Variants in GLG1 observed in about 807,000 individuals in gnomAD.
The protein encoded by GLG1 is Golgi apparatus protein 1.
A neutral mutation model predicts 160.5 loss-of-function variants in GLG1; 38 were observed. That is an observed-to-expected ratio of 0.24 (90% confidence interval 0.18 to 0.31). GLG1 has a LOEUF of 0.31. Ranked by LOEUF, GLG1 falls within the 10% of genes least tolerant of loss-of-function variation. GLG1 has a pLI of 1.00. For missense variants in GLG1, 1,373 were observed against 1,505.2 expected (o/e 0.91, Z 1.45); for synonymous variants, 644 against 543.4 (o/e 1.19, Z -2.57).
At chr16:74,582,829 A>T (rs1269563019) in intron 1 of GLG1, among the ~76,000 whole-genome samples, 2 of 2,680 alleles carry the variant, frequency 7.5e-4, no homozygotes, top group South Asian at 0.032. Context: ...TCAAAAAAAT[A>T]AATAAAATAA....
rs986038980 is a variant in GLG1 at position 74,461,970 on chromosome 16, T to C, written c.3036+124A>G. On this transcript the variant is annotated intron_variant, in intron 22 of 25. Transcript: ENST00000422840. ...ACAGGAATGCAGACCATGGAGAGCC[T>C]AGAAGATGGCCTTCAATTCACCAGA... 6 of 618,124 alleles carry C rather than the reference T, an allele frequency of 9.7e-6. No individual in the cohort carries two copies. The African/African-American group carries it at 1.1e-4, about 11-fold the overall frequency. 38.3% of individuals were successfully genotyped at this position (618,124 alleles called of 1,614,324 possible).
intron 1 of GLG1, among the ~76,000 whole-genome samples, chr16:74,547,990 G>T (rs2018095618): frequency 6.6e-6 from 1 of 152,230 alleles, no homozygotes; most frequent in Non-Finnish European, 1.5e-5. Flanking sequence ...GAGCAGAGTG[G>T]CTCAGTCGCG....
At chr16:74,523,881 A>G (rs923378728) in intron 2 of GLG1, among the ~76,000 whole-genome samples, 2 of 152,112 alleles carry the variant, frequency 1.3e-5, no homozygotes, top group South Asian at 4.1e-4. Flanking sequence ...ATCTGTAAAT[A>G]ATGACAATTT....
intron 1 of GLG1, among the ~76,000 whole-genome samples, chr16:74,597,417 T>G (rs1597385100): frequency 1.6e-5 from 2 of 124,688 alleles, no homozygotes; most frequent in East Asian, 2.3e-4. Context: ...GATGACAGAG[T>G]GAGACTCCAT....
chr16:74,573,798 CTTTT>C (rs74457179), intron 1 of GLG1, among the ~76,000 whole-genome samples: 1 of 142,432 alleles, frequency 7.0e-6, no homozygotes, highest in African/African-American at 2.6e-5. Flanking sequence ...TATCTAGCGT[CTTTT>C]TTTTTTTTTT....
At chr16:74,511,585 T>TAAAAAAAAAAAAA (rs1172903763) in intron 2 of GLG1, among the ~76,000 whole-genome samples, 1 of 85,300 alleles carries the variant, frequency 1.2e-5, no homozygotes, top group Non-Finnish European at 2.3e-5. Flanking sequence ...CTTTTTTTTT[T>TAAAAAAAAAAAAA]AAAAAAAAAA....
intron 3 of GLG1, 143 bp from the exon 4 acceptor site, chr16:74,503,889 A>G: frequency 1.6e-6 from 1 of 622,956 alleles, no homozygotes; most frequent in East Asian, 2.7e-5. Context: ...GCTTAGAAAT[A>G]TATCCAAGGA....
rs1263601611 is a variant in GLG1 at position 74,523,020 on chromosome 16, A to G, written c.471+9101T>C. Reference sequence around the variant, plus strand: ...AATGAAACAGATTTTTAAGTAACCAATTTATCAGTCTTTTTGCTTTATACT... The same window carrying G: ...AATGAAACAGATTTTTAAGTAACCAGTTTATCAGTCTTTTTGCTTTATACT... On this transcript the variant is annotated intron_variant, in intron 2 of 25. Coordinates refer to ENST00000422840, the MANE Select transcript of GLG1 (RefSeq NM_001145667.2). Among the ~76,000 whole-genome samples the G allele has an allele frequency of 9.2e-5, 14 of 152,124 alleles. 1 individual carries two copies. The highest frequency in any genetic ancestry group is 8.8e-5 in the Non-Finnish European group (6 of 68,026).
At chr16:74,575,880 GCT>G (rs911813350) in intron 1 of GLG1, among the ~76,000 whole-genome samples, 16 of 152,066 alleles carry the variant, frequency 1.1e-4, no homozygotes, top group Admixed American at 7.2e-4. Context: ...AGCACAGTGT[GCT>G]CTCATGCTCT....
intron 1 of GLG1, among the ~76,000 whole-genome samples, chr16:74,559,817 A>G (rs2018457778): frequency 6.6e-6 from 1 of 152,102 alleles, no homozygotes; most frequent in African/African-American, 2.4e-5. Context: ...GTCCACTGTC[A>G]CCTAAAATGT....
At chr16:74,577,777 T>C (rs8062404) in intron 1 of GLG1, among the ~76,000 whole-genome samples, 107,605 of 151,654 alleles carry the variant, frequency 0.71, 38,815 homozygotes, top group African/African-American at 0.83. Context: ...CCATGACCGG[T>C]TAATTTTATT....
intron 2 of GLG1, among the ~76,000 whole-genome samples, chr16:74,526,851 CCTAA>C (rs1339620643): frequency 6.6e-6 from 1 of 152,224 alleles, no homozygotes; most frequent in Non-Finnish European, 1.5e-5. Context: ...CTTTAGCACT[CCTAA>C]CTATGAGGTA....
chr16:74,541,116 G>C (rs894359313), intron 1 of GLG1, among the ~76,000 whole-genome samples: 1 of 152,064 alleles, frequency 6.6e-6, no homozygotes, highest in Non-Finnish European at 1.5e-5. Flanking sequence ...ACAAGGTCAG[G>C]TGTTCGAGAC....
chr16:74,564,899 G>A (rs1376444685), intron 1 of GLG1, among the ~76,000 whole-genome samples: 1 of 152,168 alleles, frequency 6.6e-6, no homozygotes, highest in Non-Finnish European at 1.5e-5. Flanking sequence ...GGTTGCCCCT[G>A]CTCTAATCCC....
At chr16:74,602,025 T>C (rs754458903) in intron 1 of GLG1, among the ~76,000 whole-genome samples, 2 of 152,124 alleles carry the variant, frequency 1.3e-5, no homozygotes, top group East Asian at 1.9e-4. Flanking sequence ...TTGATAATGA[T>C]AGTCATTATC....
At chr16:74,587,514 TAATC>T (rs759859163) in intron 1 of GLG1, among the ~76,000 whole-genome samples, 2 of 152,266 alleles carry the variant, frequency 1.3e-5, no homozygotes, top group Non-Finnish European at 2.9e-5. Flanking sequence ...TAACAAAACT[TAATC>T]AATAGAAAAA....
intron 4 of GLG1, among the ~76,000 whole-genome samples, chr16:74,498,861 T>C (rs2016307025): frequency 1.3e-5 from 1 of 78,876 alleles, no homozygotes; most frequent in Non-Finnish European, 2.3e-5. Flanking sequence ...GTGAACTCCG[T>C]CTCAGGCAAA....
At position 74,477,443 on chromosome 16, in the gene GLG1, G is replaced by C. The variant is rs2143288064; in HGVS notation, c.1918C>G (p.Leu640Val). 1.9e-6 allele frequency: 3 copies of C among 1,612,572 alleles called. No homozygotes were observed. In the East Asian group the frequency reaches 6.7e-5, roughly 36 times the overall value. Residue 640 changes from leucine to valine, a missense_variant, in exon 12 of 26, where the codon CTG (leucine) becomes GTG (valine). By Grantham distance (32) the Leu-to-Val change is conservative. Around this residue, in one of 4 missense-constraint regions of GLG1, gnomAD observed 386 missense variants for 388.5 expected, o/e 0.99. Transcript: ENST00000422840. Reference protein sequence around the residue: ...KLDPALQDKCLIDLGKWCSEK... With the variant: ...KLDPALQDKCVIDLGKWCSEK... ...CTGCACCATTTTCCCAGATCAATCAGGCACTTATCCTGGAGGGCAGGATCC... is the reference window on the plus strand; with the variant it reads ...CTGCACCATTTTCCCAGATCAATCACGCACTTATCCTGGAGGGCAGGATCC...
At chr16:74,486,310 C>A (rs780397079) in intron 8 of GLG1, among the ~76,000 whole-genome samples, 2 of 152,122 alleles carry the variant, frequency 1.3e-5, no homozygotes, top group African/African-American at 2.4e-5. Context: ...ACTTAGAGAC[C>A]TAATTGGGTC....
Sources: allele counts gnomAD v4.1 joint callset (sites outside exome capture counted in the v4.1 genomes callset), GRCh38; gene constraint gnomAD v4.1.1; regional missense constraint gnomAD v4.1.1; transcripts MANE v1.5; gene names NCBI Gene and HGNC (gene_info 2026-07-23, HGNC 2026-07-21).